The following MBP variants were observed in gnomAD, a reference collection of about 807,000 sequenced individuals.
MBP encodes the protein myelin basic protein, also known as Golli-MBP.
A neutral mutation model predicts 35.8 loss-of-function variants in MBP; 16 were observed. The ratio of observed to expected loss-of-function variants is 0.45; its 90% CI spans 0.30 to 0.68. The LOEUF (loss-of-function observed/expected upper bound fraction) is 0.68. MBP is among the 30% of genes least tolerant of loss of function. The probability of loss-of-function intolerance (pLI) is 0.08; values close to 1 mark genes in which losing one functional copy is unlikely to be tolerated. For missense variants in MBP, 380 were observed against 404.7 expected (o/e 0.94, Z 0.52); for synonymous variants, 143 against 159.6 (o/e 0.90, Z 0.78).
chr18:77,101,668 CCAAT>C lies in MBP; in HGVS notation c.51+3539_51+3542del, dbSNP rs758954015. 1.2e-3 allele frequency among the ~76,000 whole-genome samples: 179 copies of C among 152,326 alleles called. 1 individual carries two copies. Among genetic ancestry groups the C allele is most frequent in the Admixed American group, 3.6e-3 (55 of 15,304 alleles). The stretch of plus-strand genomic sequence containing the variant: ...ACTCCAGAAAAGTGTCTTTTTTTCA[CCAAT>C]CAGAGACATTCCACAGTTAACCCTT... On this transcript the variant is annotated intron_variant, in intron 2 of 8. Coordinates refer to ENST00000355994, the MANE Select transcript of MBP (RefSeq NM_001025101.2). The surrounding 1 kb of genome is among the most constrained non-coding windows in gnomAD (Gnocchi z 4.3).
rs1297416381 is a variant in MBP at position 77,028,730 on chromosome 18, C to A, written c.140-11462G>T. On this transcript the variant is annotated intron_variant, in intron 3 of 8. Transcript: ENST00000355994. ...GGCGCCCCTCACCTCCCGGACGGGG[C>A]GGCTGGCCAGGCGGGGGGCTGATCC... Among the ~76,000 whole-genome samples, 2 of 95,532 alleles carry A rather than the reference C, an allele frequency of 2.1e-5. 1 individual carries two copies. The highest frequency in any genetic ancestry group is 5.5e-5 in the Non-Finnish European group (2 of 36,334). 62.7% of individuals were successfully genotyped at this position (95,532 alleles called of 152,430 possible). A position where few individuals can be genotyped will look rare whatever the true frequency, so the allele number is the denominator to read the frequency against.
chr18:76,998,077 C>T (rs1372971089), intron 4 of MBP, among the ~76,000 whole-genome samples: 1 of 152,236 alleles, frequency 6.6e-6, no homozygotes, highest in Non-Finnish European at 1.5e-5. Context: ...CAGTGGCACA[C>T]ATCACATTCG....
chr18:77,056,451 C>T (rs932916430), intron 3 of MBP, among the ~76,000 whole-genome samples: 1 of 152,218 alleles, frequency 6.6e-6, no homozygotes, highest in Admixed American at 6.5e-5. Context: ...GCTTTGTCTT[C>T]TCGAAGGACC....
Position 76,989,681 on chromosome 18 carries a change from T to G in MBP, c.681+275A>C. 2.5e-6 allele frequency: 1 copy of G among 402,992 alleles called. No homozygotes were observed. 25.0% of individuals were successfully genotyped at this position (402,992 alleles called of 1,614,324 possible). Reference sequence around the variant, plus strand: ...CCATAGGTTGCAAAGCCTGTGTTTTTAGGCTAAGCGTTACATGGGAGCCTA... The same window carrying G: ...CCATAGGTTGCAAAGCCTGTGTTTTGAGGCTAAGCGTTACATGGGAGCCTA... On this transcript the variant is annotated intron_variant, in intron 5 of 8. Transcript: ENST00000355994. The surrounding 1 kb of genome is among the most constrained non-coding windows in gnomAD (Gnocchi z 4.0).
At chr18:77,124,576 C>G (rs1976989057) in intron 1 of MBP, among the ~76,000 whole-genome samples, 1 of 152,180 alleles carries the variant, frequency 6.6e-6, no homozygotes. Flanking sequence ...GCCTGGGTGC[C>G]TGTCTCAGGT....
intron 1 of MBP, among the ~76,000 whole-genome samples, chr18:77,123,183 AT>A (rs1380567817): frequency 6.6e-6 from 1 of 152,206 alleles, no homozygotes; most frequent in Non-Finnish European, 1.5e-5. Context: ...TAGTTCTATA[AT>A]TTTTTGCTTT....
rs1203818080 is a variant in MBP at position 77,066,292 on chromosome 18, A to G, written c.139+6T>C. ...GCGCCATGTTGCCGATATCTGCGTCACCTACCGAACACTTCGTTGTCCTCT... is the reference window on the plus strand; with the variant it reads ...GCGCCATGTTGCCGATATCTGCGTCGCCTACCGAACACTTCGTTGTCCTCT... On this transcript the variant is annotated splice_donor_region_variant and intron_variant, in intron 3 of 8. Coordinates refer to ENST00000355994, the MANE Select transcript of MBP (RefSeq NM_001025101.2). 1.9e-6 allele frequency: 3 copies of G among 1,611,162 alleles called. No individual in the cohort carries two copies. Among genetic ancestry groups the G allele is most frequent in the East Asian group, 4.5e-5 (2 of 44,878 alleles).
intron 3 of MBP, among the ~76,000 whole-genome samples, chr18:77,027,625 CT>C: frequency 6.6e-6 from 1 of 152,352 alleles, no homozygotes; most frequent in Non-Finnish European, 1.5e-5. Flanking sequence ...CACAGAGGGG[CT>C]TTTGGTAACC....
chr18:77,082,930 T>C (rs1251168584), intron 2 of MBP, among the ~76,000 whole-genome samples: 1 of 129,676 alleles, frequency 7.7e-6, no homozygotes, highest in Non-Finnish European at 1.7e-5. Flanking sequence ...GACTAACTAT[T>C]CTCTTTAACT....
intron 3 of MBP, among the ~76,000 whole-genome samples, chr18:77,024,288 T>C (rs567687806): frequency 4.0e-5 from 6 of 151,058 alleles, no homozygotes; most frequent in African/African-American, 1.5e-4. Context: ...TGTTAGTGTA[T>C]TTTATGTGTG....
At chr18:77,071,959 T>A (rs1974471834) in intron 2 of MBP, among the ~76,000 whole-genome samples, 1 of 152,160 alleles carries the variant, frequency 6.6e-6, no homozygotes, top group Non-Finnish European at 1.5e-5. Flanking sequence ...CCTAGGATGT[T>A]TAACAAGAGA....
rs998036740 is a variant in MBP, at chr18:77,102,214, G to C, written c.51+2997C>G. On this transcript the variant is annotated intron_variant, in intron 2 of 8. Coordinates refer to ENST00000355994, the MANE Select transcript of MBP (RefSeq NM_001025101.2). The surrounding 1 kb of genome is among the most constrained non-coding windows in gnomAD (Gnocchi z 4.4). Reference sequence around the variant, plus strand: ...GGGCAGTGGGGCAGAGGCAGTGTGTGGGGTAGACCGGGCAGCCCCCACCGC... The same window carrying C: ...GGGCAGTGGGGCAGAGGCAGTGTGTCGGGTAGACCGGGCAGCCCCCACCGC... Among the ~76,000 whole-genome samples the C allele has an allele frequency of 6.6e-6, 1 of 152,132 alleles. No homozygotes were observed. Among genetic ancestry groups the C allele is most frequent in the African/African-American group, 2.4e-5 (1 of 41,406 alleles).
intron 3 of MBP, among the ~76,000 whole-genome samples, chr18:77,059,336 GAC>G (rs1375602817): frequency 6.6e-6 from 1 of 151,920 alleles, no homozygotes; most frequent in African/African-American, 2.4e-5. Context: ...TGGAAAATGG[GAC>G]AGTTATGTCA....
chr18:77,129,756 G>A (rs868477413), intron 1 of MBP, among the ~76,000 whole-genome samples: 3 of 152,122 alleles, frequency 2.0e-5, no homozygotes, highest in Admixed American at 6.5e-5. Flanking sequence ...GAGGCCAGGC[G>A]CGGTGGCTCA....
chr18:77,013,385 T>C (rs886850107), intron 4 of MBP: 10 of 985,310 alleles, frequency 1.0e-5, no homozygotes, highest in Admixed American at 1.2e-4. Context: ...TGTCTCCAAA[T>C]GGTACACGCC....
chr18:77,130,056 AAAAAG>A (rs1343243356), intron 1 of MBP, among the ~76,000 whole-genome samples: 65 of 151,140 alleles, frequency 4.3e-4, no homozygotes, highest in African/African-American at 1.5e-3. Context: ...CAAAAAAAAA[AAAAAG>A]AAAAAGAAAA....
intron 3 of MBP, among the ~76,000 whole-genome samples, chr18:77,021,343 T>C (rs2123505078): frequency 6.6e-6 from 1 of 152,380 alleles, no homozygotes; most frequent in Non-Finnish European, 1.5e-5. Flanking sequence ...TCAGCAATTC[T>C]TGTAGAAACT....
chr18:77,048,031 G>C (rs1221671148), intron 3 of MBP, among the ~76,000 whole-genome samples: 1 of 152,142 alleles, frequency 6.6e-6, no homozygotes, highest in Non-Finnish European at 1.5e-5. Context: ...GTAAAAAATA[G>C]GCTAATTATC....
At chr18:77,051,677 C>A (rs1370766379) in intron 3 of MBP, among the ~76,000 whole-genome samples, 1 of 152,118 alleles carries the variant, frequency 6.6e-6, no homozygotes, top group Admixed American at 6.5e-5. Context: ...ATTAGTAACA[C>A]CTTTCCTGAT....
Sources: allele counts gnomAD v4.1 joint callset (sites outside exome capture counted in the v4.1 genomes callset), GRCh38; gene constraint gnomAD v4.1.1; non-coding constraint Gnocchi (gnomAD v3.1); transcripts MANE v1.5; gene names NCBI Gene and HGNC (gene_info 2026-07-23, HGNC 2026-07-21).